DEPDC5: variants seen among roughly 807,000 people sequenced by gnomAD.
The protein encoded by DEPDC5 is DEP domain containing 5, GATOR1 subcomplex subunit, also known as GATOR1 complex protein DEPDC5.
DEPDC5 carries 73 observed loss-of-function variants against 217.3 expected under a neutral mutation model. The ratio of observed to expected loss-of-function variants is 0.34; its 90% CI spans 0.28 to 0.41. The LOEUF (loss-of-function observed/expected upper bound fraction) is 0.41. Among genes scored for constraint, DEPDC5 ranks in the 10% least tolerant of loss-of-function variants. The probability of loss-of-function intolerance (pLI) is 1.00; values close to 1 mark genes in which losing one functional copy is unlikely to be tolerated. For synonymous variants in DEPDC5, 733 were observed against 756.7 expected, an observed-to-expected ratio of 0.97 and a Z score of 0.51; for missense variants, 1,675 against 2,070.1, an observed-to-expected ratio of 0.81 and a Z score of 3.70.
At chr22:31,817,116 CT>C (rs368325021) in intron 21 of DEPDC5, 106 of 155,542 alleles carry the variant, frequency 6.8e-4, no homozygotes, top group South Asian at 2.2e-3. Flanking sequence ...TTCTTTCTTT[CT>C]TTTTTTTTTG....
In DEPDC5 at chr22:31,798,618, A is replaced by G. The variant is rs765384973; in HGVS notation, c.908A>G (p.Gln303Arg). ...CAAGGAGATAATTCTACCTCAGCAC[A>G]AGGAAACTACCTGGAGGCCATCAAT... ...FPQGDNSTSA[Q>R]GNYLEAINLS... The change falls in exon 14 of 43, where the codon CAA (glutamine) becomes CGA (arginine). Residue 303 changes from glutamine (Q) to arginine (R), a missense_variant. Coordinates refer to ENST00000651528, the MANE Select transcript of DEPDC5 (RefSeq NM_001242896.3). 1.2e-6 allele frequency: 2 copies of G among 1,611,972 alleles called. No homozygotes were observed. Among genetic ancestry groups the G allele is most frequent in the South Asian group, 1.1e-5 (1 of 91,034 alleles).
intron 7 of DEPDC5, among the ~76,000 whole-genome samples, chr22:31,773,124 C>A (rs779391023): frequency 2.0e-5 from 3 of 152,086 alleles, no homozygotes; most frequent in Non-Finnish European, 2.9e-5. Flanking sequence ...TATGTAAATA[C>A]CCTCATACAC....
chr22:31,785,803 G>T (rs1342424936), intron 10 of DEPDC5, among the ~76,000 whole-genome samples: 1 of 152,114 alleles, frequency 6.6e-6, no homozygotes, highest in Non-Finnish European at 1.5e-5. Flanking sequence ...TACATCTATG[G>T]TCAGTTGATT....
intron 25 of DEPDC5, 36 bp downstream of exon 25, chr22:31,834,016 C>T (rs977345167): frequency 2.5e-6 from 4 of 1,602,052 alleles, no homozygotes; most frequent in Non-Finnish European, 3.4e-6. Context: ...AAGGGGTAGA[C>T]AGGGAGTGTG....
chr22:31,857,563 G>A lies in DEPDC5; in HGVS notation c.3264+10G>A, dbSNP rs1440238653. ...GGACAGCCCACGAAAGGTAAAGGAA[G>A]CCGCGGTAGCAGGGAGCTGTTCTGT... On this transcript the variant is annotated intron_variant, in intron 32 of 42. Coordinates refer to ENST00000651528, the MANE Select transcript of DEPDC5 (RefSeq NM_001242896.3). 16 of 1,600,254 alleles carry A rather than the reference G, an allele frequency of 1.0e-5. No individual in the cohort carries two copies. Among genetic ancestry groups the A allele is most frequent in the Non-Finnish European group, 1.3e-5 (15 of 1,172,690 alleles).
intron 38 of DEPDC5, chr22:31,880,034 C>T: frequency 9.5e-6 from 4 of 420,830 alleles, no homozygotes; most frequent in East Asian, 5.1e-5. Flanking sequence ...GGCCAATTTT[C>T]CCGAGGGTTC....
At chr22:31,889,130 A>T (rs763845632) in intron 38 of DEPDC5, among the ~76,000 whole-genome samples, 2 of 152,110 alleles carry the variant, frequency 1.3e-5, no homozygotes, top group African/African-American at 2.4e-5. Context: ...CCCCCTAGCT[A>T]TGACCTGGGT....
rs368272601 is a variant in DEPDC5 at position 31,871,657 on chromosome 22, C to G, written c.3485+913C>G. On this transcript the variant is annotated intron_variant, in intron 34 of 42. Coordinates refer to ENST00000651528, the MANE Select transcript of DEPDC5 (RefSeq NM_001242896.3). ...AGGCTGCCCAATGCATAGAAAAAAT[C>G]TGCTTCCTCATTGCTTACAAGGGTA... is the stretch of plus-strand genomic sequence containing the variant. Among the ~76,000 whole-genome samples, 7 of 152,338 alleles carry G rather than the reference C, an allele frequency of 4.6e-5. 1 individual carries two copies. Among genetic ancestry groups the G allele is most frequent in the African/African-American group, 1.7e-4 (7 of 41,580 alleles).
chr22:31,786,800 G>A (rs999705409), intron 10 of DEPDC5, among the ~76,000 whole-genome samples: 24 of 152,194 alleles, frequency 1.6e-4, no homozygotes, highest in African/African-American at 5.8e-4. Flanking sequence ...TGTAGAGACA[G>A]GGTCTCGTTT....
At chr22:31,893,528 T>C in intron 38 of DEPDC5, 54 bp from the exon 39 acceptor site, 1 of 1,447,070 alleles carries the variant, frequency 6.9e-7, no homozygotes, top group Non-Finnish European at 9.1e-7. Context: ...TTTGTTCTTC[T>C]TCATCCCACT....
chr22:31,760,009 C>T (rs1016326796), intron 3 of DEPDC5, among the ~76,000 whole-genome samples: 4 of 151,094 alleles, frequency 2.6e-5, no homozygotes, highest in Non-Finnish European at 5.9e-5. Context: ...GCTGAGATGA[C>T]AACTGAAAGG....
In DEPDC5 at chr22:31,845,006, T is replaced by A. The variant is rs1246206291; in HGVS notation, c.2802-12T>A. On this transcript the variant is annotated splice_polypyrimidine_tract_variant and intron_variant, in intron 29 of 42. Coordinates refer to ENST00000651528, the MANE Select transcript of DEPDC5 (RefSeq NM_001242896.3). ...CTCTCACCACCACCCTGTGTTTTCC[T>A]TGCCCCCTTAGCTTAATTGAGTCCC... 1 of 1,613,972 alleles carries A rather than the reference T, an allele frequency of 6.2e-7. No homozygotes were observed. Among genetic ancestry groups the A allele is most frequent in the Non-Finnish European group, 8.5e-7 (1 of 1,179,966 alleles).
intron 8 of DEPDC5, among the ~76,000 whole-genome samples, chr22:31,780,496 C>T (rs1316272265): frequency 6.6e-6 from 1 of 152,090 alleles, no homozygotes; most frequent in African/African-American, 2.4e-5. Context: ...TTCCCCACTG[C>T]CCCCCAGTGT....
chr22:31,821,114 C>T (rs904334769), intron 22 of DEPDC5, among the ~76,000 whole-genome samples: 3 of 152,222 alleles, frequency 2.0e-5, no homozygotes, highest in African/African-American at 7.2e-5. Context: ...CTTAGAGTCA[C>T]AGTTGTTACT....
Position 31,897,770 on chromosome 22 carries a change from A to AG in DEPDC5, c.4375+121dup, listed in dbSNP as rs771290488. 6.6e-4 allele frequency: 784 copies of AG among 1,196,152 alleles called. 2 individuals carry two copies. The highest frequency in any genetic ancestry group is 8.6e-4 in the Non-Finnish European group (736 of 860,784). 74.1% of individuals were successfully genotyped at this position (1,196,152 alleles called of 1,614,324 possible). On this transcript the variant is annotated intron_variant, in intron 40 of 42. Transcript: ENST00000651528. ...AGGGAAAAGGGACAGCCTTTCAACA[A>AG]GGGGCCAAAAGGATCAAGGTTCTAA...
intron 29 of DEPDC5, among the ~76,000 whole-genome samples, chr22:31,844,258 C>T (rs2091577583): frequency 2.0e-5 from 3 of 152,054 alleles, no homozygotes; most frequent in East Asian, 3.9e-4. Flanking sequence ...ATAAAATTAA[C>T]TGGGCATGGT....
At chr22:31,762,658 G>A (rs1261973394) in intron 4 of DEPDC5, among the ~76,000 whole-genome samples, 1 of 152,132 alleles carries the variant, frequency 6.6e-6, no homozygotes, top group Non-Finnish European at 1.5e-5. Context: ...AGCTACTCGG[G>A]AAGCTGAGGC....
chr22:31,870,636 T>G lies in DEPDC5; in HGVS notation c.3377T>G (p.Leu1126Trp), dbSNP rs1209384122. 6.3e-7 allele frequency: 1 copy of G among 1,596,794 alleles called. No individual in the cohort carries two copies. Among genetic ancestry groups the G allele is most frequent in the African/African-American group, 1.3e-5 (1 of 74,112 alleles). ...TATPMLDGTS[L>W]GICTGQSMDR... ...ACTCCTATGTTGGACGGCACCAGTT[T>G]GGGCATATGCACAGGCCAATCCATG... The change falls in exon 34 of 43, where the codon TTG becomes TGG. Residue 1126 changes from leucine to tryptophan, a missense_variant. Physicochemically the swap from Leu to Trp is moderately conservative, Grantham distance 61. Around this residue, in one of 11 missense-constraint regions of DEPDC5, gnomAD observed 126 missense variants for 113.8 expected, o/e 1.11. Coordinates refer to ENST00000651528, the MANE Select transcript of DEPDC5 (RefSeq NM_001242896.3).
At chr22:31,804,293 G>T (rs372510232) in intron 16 of DEPDC5, 70 bp downstream of exon 16, 13 of 1,453,472 alleles carry the variant, frequency 8.9e-6, no homozygotes, top group Non-Finnish European at 1.3e-5. Context: ...AATTCCAGGC[G>T]CTGTGGCATG....
Sources: gnomAD v4.1 joint callset for allele counts (sites outside exome capture counted in the v4.1 genomes callset) on GRCh38, gnomAD v4.1.1 for gene constraint, gnomAD v4.1.1 regional missense constraint, MANE v1.5 for transcripts, NCBI Gene and HGNC (gene_info 2026-07-23, HGNC 2026-07-21) for gene names.